The following CCDC60 variants were observed in gnomAD, a reference collection of about 807,000 sequenced individuals.
CCDC60 encodes the protein coiled-coil domain containing 60.
Under a neutral mutation model 63.5 loss-of-function variants are expected in CCDC60, and 54 were observed. That is an observed-to-expected ratio of 0.85 (90% CI 0.68 to 1.07). The LOEUF (loss-of-function observed/expected upper bound fraction) is 1.07, where lower values mean the gene tolerates loss of function less well. Ranked by LOEUF, CCDC60 falls within the 50% of genes least tolerant of loss-of-function variation. CCDC60 has a pLI of 0.00. For synonymous variants in CCDC60, 206 were observed against 238.8 expected (o/e 0.86, Z 1.27); for missense variants, 651 against 684.3 (o/e 0.95, Z 0.54).
chr12:119,353,598 C>CTTTTTTTTTTTTTTTT (rs71072514), intron 1 of CCDC60, among the ~76,000 whole-genome samples: 1 of 68,204 alleles, frequency 1.5e-5, no homozygotes, highest in Non-Finnish European at 2.7e-5. Context: ...TCTTCTTCTT[C>CTTTTTTTTTTTTTTTT]TTTTTTTTTT....
intron 13 of CCDC60, 81 bp downstream of exon 13, chr12:119,531,144 T>G: frequency 1.6e-6 from 2 of 1,250,260 alleles, no homozygotes; most frequent in Non-Finnish European, 1.1e-6. Flanking sequence ...ACTGTTTAAG[T>G]GCTGGGGACA....
chr12:119,507,451 T>C (rs1253031015), intron 7 of CCDC60, among the ~76,000 whole-genome samples: 2 of 146,616 alleles, frequency 1.4e-5, no homozygotes, highest in East Asian at 2.0e-4. Flanking sequence ...CACATATATA[T>C]ACATATATAC....
chr12:119,538,140 C>T (rs1018959552), intron 13 of CCDC60, among the ~76,000 whole-genome samples: 1 of 152,216 alleles, frequency 6.6e-6, no homozygotes, highest in African/African-American at 2.4e-5. Context: ...TGCCCCTCCC[C>T]CTGCCAGGCT....
intron 2 of CCDC60, among the ~76,000 whole-genome samples, chr12:119,448,419 C>T (rs1279756502): frequency 6.6e-6 from 1 of 152,146 alleles, no homozygotes; most frequent in African/African-American, 2.4e-5. Context: ...CTCAGTTTCT[C>T]CATCTTTGAA....
At chr12:119,509,124 A>C (rs1000771079) in intron 7 of CCDC60, among the ~76,000 whole-genome samples, 1 of 151,492 alleles carries the variant, frequency 6.6e-6, no homozygotes, top group African/African-American at 2.4e-5. Context: ...GTCTCCTAAA[A>C]CTCCCTCAAA....
At chr12:119,354,627 G>A (rs1565967827) in intron 1 of CCDC60, among the ~76,000 whole-genome samples, 1 of 152,184 alleles carries the variant, frequency 6.6e-6, no homozygotes, top group Non-Finnish European at 1.5e-5. Context: ...AGTGCACGGG[G>A]CTCCAGGCAA....
At chr12:119,490,389 A>G (rs1951556127) in intron 5 of CCDC60, among the ~76,000 whole-genome samples, 1 of 152,164 alleles carries the variant, frequency 6.6e-6, no homozygotes, top group African/African-American at 2.4e-5. Context: ...TGTAAAACAG[A>G]CTTTTCTAAA....
intron 1 of CCDC60, among the ~76,000 whole-genome samples, chr12:119,397,493 T>A (rs1308651740): frequency 2.0e-5 from 3 of 151,680 alleles, no homozygotes; most frequent in African/African-American, 7.3e-5. Flanking sequence ...ACATAAAAGT[T>A]CTCCAAGTCC....
rs550431748 is a variant in CCDC60, at chr12:119,480,446, T to C, written c.449+1245T>C. ...TATATTTGGCAAGCCAAGTTTCCTA[T>C]ACTTGAAGAGTAAAAGAATACAAGA... is the stretch of plus-strand genomic sequence containing the variant. On this transcript the variant is annotated intron_variant, in intron 4 of 13. Transcript: ENST00000327554. Among the ~76,000 whole-genome samples, 63 of 152,340 alleles carry C rather than the reference T, an allele frequency of 4.1e-4. 1 individual carries two copies. Among genetic ancestry groups the C allele is most frequent in the African/African-American group, 1.5e-3 (62 of 41,582 alleles).
intron 2 of CCDC60, among the ~76,000 whole-genome samples, chr12:119,466,216 C>T (rs930354273): frequency 6.6e-6 from 1 of 152,160 alleles, no homozygotes; most frequent in South Asian, 2.1e-4. Context: ...TCTCGTCCCA[C>T]TTGCCTGCTC....
intron 1 of CCDC60, among the ~76,000 whole-genome samples, chr12:119,405,422 C>T (rs1448946064): frequency 6.6e-6 from 1 of 152,210 alleles, no homozygotes; most frequent in Admixed American, 6.5e-5. Context: ...CTGAAATGAG[C>T]ATGGATATTA....
intron 2 of CCDC60, among the ~76,000 whole-genome samples, chr12:119,455,065 A>C (rs762597117): frequency 6.6e-6 from 1 of 152,200 alleles, no homozygotes; most frequent in Non-Finnish European, 1.5e-5. Flanking sequence ...CTTGTACCTC[A>C]TTGGCCTAGC....
At position 119,520,145 on chromosome 12, in the gene CCDC60, C is replaced by T. The variant is rs746011054; in HGVS notation, c.993C>T (p.Asn331=). 6 of 1,613,842 alleles carry T rather than the reference C, an allele frequency of 3.7e-6. No individual in the cohort carries two copies. The South Asian group carries it at 6.6e-5, about 18-fold the overall frequency. Residue 331 remains asparagine (N), a synonymous_variant, in exon 9 of 14, where the codon AAC becomes AAT. Coordinates refer to ENST00000327554, the MANE Select transcript of CCDC60 (RefSeq NM_178499.5). ...GCATCTTGTCAGTGCTGAAACAAAA[C>T]AAGAGTAATTCTGCTTATAAGGAAA... ...APSILSVLKQ[N]KSNSAYKEMQ...
At chr12:119,362,730 T>A (rs1174034639) in intron 1 of CCDC60, among the ~76,000 whole-genome samples, 1 of 152,210 alleles carries the variant, frequency 6.6e-6, no homozygotes, top group Non-Finnish European at 1.5e-5. Context: ...TCTTGGACAT[T>A]CTTTTACATG....
intron 5 of CCDC60, among the ~76,000 whole-genome samples, chr12:119,498,525 CAG>C (rs1021091508): frequency 5.9e-5 from 9 of 152,104 alleles, no homozygotes; most frequent in African/African-American, 2.2e-4. Flanking sequence ...TTAGTAGAGA[CAG>C]AGTTTCACCA....
chr12:119,461,387 C>T (rs1473006857), intron 2 of CCDC60, among the ~76,000 whole-genome samples: 1 of 152,096 alleles, frequency 6.6e-6, no homozygotes, highest in Non-Finnish European at 1.5e-5. Context: ...CCTCTAACAC[C>T]TTCCCATCGC....
At chr12:119,366,863 C>T (rs767723041) in intron 1 of CCDC60, among the ~76,000 whole-genome samples, 5 of 152,156 alleles carry the variant, frequency 3.3e-5, no homozygotes, top group African/African-American at 9.7e-5. Flanking sequence ...GACAGAATCT[C>T]GCTCTGTTGC....
At chr12:119,503,545 C>G (rs1951910043) in intron 6 of CCDC60, among the ~76,000 whole-genome samples, 4 of 152,176 alleles carry the variant, frequency 2.6e-5, no homozygotes, top group African/African-American at 9.7e-5. Flanking sequence ...TATTCTGAAG[C>G]ATTCTGTCGT....
At chr12:119,529,108 A>G (rs1466600869) in intron 12 of CCDC60, among the ~76,000 whole-genome samples, 2 of 152,200 alleles carry the variant, frequency 1.3e-5, no homozygotes, top group African/African-American at 2.4e-5. Flanking sequence ...TGATCACTGC[A>G]TCCCCCCAAG....
Sources: allele counts gnomAD v4.1 joint callset (sites outside exome capture counted in the v4.1 genomes callset), GRCh38; gene constraint gnomAD v4.1.1; transcripts MANE v1.5; gene names NCBI Gene and HGNC (gene_info 2026-07-23, HGNC 2026-07-21).